Variants in ENPP3 observed in about 807,000 individuals in gnomAD.
ENPP3 encodes the protein ectonucleotide pyrophosphatase/phosphodiesterase 3.
A neutral mutation model predicts 117.8 loss-of-function variants in ENPP3; 104 were observed. The observed-to-expected ratio is 0.88, with a 90% confidence interval of 0.75 to 1.04. ENPP3 has a LOEUF of 1.04. Among genes scored for constraint, ENPP3 ranks in the 50% least tolerant of loss-of-function variants. The probability of loss-of-function intolerance (pLI) is 0.00; values close to 1 mark genes in which losing one functional copy is unlikely to be tolerated. For synonymous variants in ENPP3, 380 were observed against 349.9 expected (o/e 1.09, Z -0.96); for missense variants, 1,026 against 1,051.9 (o/e 0.98, Z 0.34).
At chr6:131,650,220 T>C in intron 3 of ENPP3, 71 bp downstream of exon 3, 1 of 1,552,668 alleles carries the variant, frequency 6.4e-7, no homozygotes. Context: ...AATTTTTTTC[T>C]TTTCTTTCCT....
intron 5 of ENPP3, among the ~76,000 whole-genome samples, chr6:131,653,651 A>T (rs1358582729): frequency 6.6e-6 from 1 of 152,130 alleles, no homozygotes; most frequent in East Asian, 1.9e-4. Flanking sequence ...CCTGGCCTCA[A>T]GCCTCCCTCC....
At chr6:131,648,064 G>C (rs929385542) in intron 2 of ENPP3, among the ~76,000 whole-genome samples, 1 of 151,874 alleles carries the variant, frequency 6.6e-6, no homozygotes, top group East Asian at 1.9e-4. Context: ...CTTCCTGAAA[G>C]TTGTGAATTT....
intron 15 of ENPP3, among the ~76,000 whole-genome samples, chr6:131,697,026 C>T (rs1779423012): frequency 6.6e-6 from 1 of 152,164 alleles, no homozygotes; most frequent in South Asian, 2.1e-4. Flanking sequence ...TCCTTGGTCT[C>T]CCAGTGCCGG....
chr6:131,687,141 T>C (rs1189286831), intron 14 of ENPP3, among the ~76,000 whole-genome samples: 1 of 152,180 alleles, frequency 6.6e-6, no homozygotes, highest in African/African-American at 2.4e-5. Context: ...CAACAGTATA[T>C]AAGTGTTCCT....
At chr6:131,738,239 A>G in intron 23 of ENPP3, 76 bp downstream of exon 23, 8 of 1,130,606 alleles carry the variant, frequency 7.1e-6, no homozygotes, top group South Asian at 4.1e-5. Flanking sequence ...AAAGCTCAGT[A>G]TTTTAAATAT....
intron 10 of ENPP3, among the ~76,000 whole-genome samples, chr6:131,677,583 G>C (rs1778897003): frequency 6.6e-6 from 1 of 152,184 alleles, no homozygotes; most frequent in African/African-American, 2.4e-5. Flanking sequence ...CCAGGAAACA[G>C]AAAGGACTGG....
chr6:131,694,102 T>C (rs1407863221), intron 15 of ENPP3, among the ~76,000 whole-genome samples: 1 of 152,254 alleles, frequency 6.6e-6, no homozygotes, highest in Admixed American at 6.5e-5. Flanking sequence ...TTTATGTTGA[T>C]TATTGAAACA....
chr6:131,691,588 CAAA>C (rs34849891), intron 14 of ENPP3, among the ~76,000 whole-genome samples: 1 of 85,138 alleles, frequency 1.2e-5, no homozygotes. Context: ...GACTCAGTCT[CAAA>C]AAAAAAAAAA....
intron 1 of ENPP3, among the ~76,000 whole-genome samples, chr6:131,641,081 T>C (rs1778029953): frequency 6.6e-6 from 1 of 152,176 alleles, no homozygotes; most frequent in African/African-American, 2.4e-5. Context: ...CTGCAATTCT[T>C]TTCAATAAAT....
At chr6:131,668,722 T>C (rs534622834) in intron 6 of ENPP3, among the ~76,000 whole-genome samples, 1 of 152,338 alleles carries the variant, frequency 6.6e-6, no homozygotes, top group South Asian at 2.1e-4. Context: ...AAGGCAATAT[T>C]CGAGGGTATA....
At chr6:131,710,850 G>A in intron 15 of ENPP3, 1 of 1,612,546 alleles carries the variant, frequency 6.2e-7, no homozygotes, top group Non-Finnish European at 8.5e-7. Flanking sequence ...ACAAAAAAAG[G>A]AGAACAACAA....
chr6:131,682,511 A>ATAAG (rs1401409000), intron 11 of ENPP3, among the ~76,000 whole-genome samples: 63 of 152,266 alleles, frequency 4.1e-4, no homozygotes, highest in Non-Finnish European at 7.8e-4. Flanking sequence ...AAATAAATAA[A>ATAAG]TAAATTATTT....
intron 2 of ENPP3, 148 bp from the exon 3 acceptor site, chr6:131,649,879 A>G: frequency 2.5e-6 from 2 of 787,440 alleles, no homozygotes; most frequent in Non-Finnish European, 4.1e-6. Flanking sequence ...TATTTATTAC[A>G]TTGTATTGGC....
chr6:131,722,555 T>C (rs1028045938), intron 18 of ENPP3, 150 bp downstream of exon 18: 22 of 637,910 alleles, frequency 3.4e-5, no homozygotes, highest in African/African-American at 3.1e-4. Context: ...GAACCTTACC[T>C]GGAAACGAGA....
At chr6:131,674,317 C>G (rs1368806482) in intron 8 of ENPP3, 36 bp downstream of exon 8, 2 of 1,604,098 alleles carry the variant, frequency 1.2e-6, no homozygotes, top group Non-Finnish European at 1.7e-6. Flanking sequence ...CTGAAGTAAC[C>G]TCCATTTCTC....
intron 5 of ENPP3, among the ~76,000 whole-genome samples, chr6:131,657,609 A>C (rs1778412591): frequency 6.6e-6 from 1 of 152,212 alleles, no homozygotes; most frequent in Non-Finnish European, 1.5e-5. Flanking sequence ...AAAAGAATTG[A>C]GACTCAACAA....
Position 131,666,174 on chromosome 6 carries a change from T to C in ENPP3, c.563-5074T>C, listed in dbSNP as rs149491564. 8.1e-3 allele frequency among the ~76,000 whole-genome samples: 1,233 copies of C among 152,280 alleles called. 13 individuals are homozygous for C. The highest frequency in any genetic ancestry group is 0.025 in the African/African-American group (1,025 of 41,568). Reference sequence around the variant, plus strand: ...ATGCATACTTGAGAAAAACATGTTGTGTTGGGTTTAATGTTCTGTAAGGGT... The same window carrying C: ...ATGCATACTTGAGAAAAACATGTTGCGTTGGGTTTAATGTTCTGTAAGGGT... On this transcript the variant is annotated intron_variant, in intron 6 of 24. Transcript: ENST00000357639.
Position 131,677,945 on chromosome 6 carries a change from G to A in ENPP3, c.1011+5G>A. The A allele has an allele frequency of 6.3e-7, 1 of 1,575,436 alleles. No individual in the cohort carries two copies. Among genetic ancestry groups the A allele is most frequent in the Non-Finnish European group, 8.7e-7 (1 of 1,150,116 alleles). On this transcript the variant is annotated splice_donor_5th_base_variant and intron_variant, in intron 11 of 24. Coordinates refer to ENST00000357639, the MANE Select transcript of ENPP3 (RefSeq NM_005021.5). ...GGTGGACCAGTCAGTGCCAGAGTAAGTTGTTGTTTTCTTAAAAGAAAAAAA... is the reference window on the plus strand; with the variant it reads ...GGTGGACCAGTCAGTGCCAGAGTAAATTGTTGTTTTCTTAAAAGAAAAAAA...
At chr6:131,652,174 G>T (rs1355603640) in intron 3 of ENPP3, among the ~76,000 whole-genome samples, 1 of 152,152 alleles carries the variant, frequency 6.6e-6, no homozygotes, top group Admixed American at 6.5e-5. Flanking sequence ...CTTGCTGCTT[G>T]TCCTTAGACA....
Sources: gnomAD v4.1 joint callset for allele counts (sites outside exome capture counted in the v4.1 genomes callset) on GRCh38, gnomAD v4.1.1 for gene constraint, MANE v1.5 for transcripts, NCBI Gene and HGNC (gene_info 2026-07-23, HGNC 2026-07-21) for gene names.